The following AGMO variants were observed in gnomAD, a reference collection of about 807,000 sequenced individuals.
The protein encoded by AGMO is glyceryl-ether monooxygenase.
Under a neutral mutation model 60.2 loss-of-function variants are expected in AGMO, and 75 were observed. That is an observed-to-expected ratio of 1.25 (90% CI 1.03 to 1.51). The LOEUF is 1.51. AGMO is among the 40% of genes most tolerant of loss of function. The probability of loss-of-function intolerance (pLI) is 0.00; values close to 1 mark genes in which losing one functional copy is unlikely to be tolerated. For missense variants in AGMO, 763 were observed against 525.5 expected (o/e 1.45, Z -4.42); for synonymous variants, 261 against 177.1 (o/e 1.47, Z -3.76).
At chr7:15,530,753 G>T (rs937534203) in intron 3 of AGMO, among the ~76,000 whole-genome samples, 1 of 130,592 alleles carries the variant, frequency 7.7e-6, no homozygotes, top group East Asian at 2.3e-4. Context: ...TTTCTATATA[G>T]ATATTCTATA....
In AGMO at chr7:15,326,340, G is replaced by A. The variant is rs1781338864; in HGVS notation, c.1263+39174C>T. Among the ~76,000 whole-genome samples the A allele has an allele frequency of 2.6e-5, 4 of 152,268 alleles. No individual in the cohort carries two copies. The South Asian group carries it at 8.3e-4, about 32-fold the overall frequency. ...GTTTAACCTGAAAGGGGTAAGGGAT[G>A]ATAGGTGTTTTTTAGAATATAGCGT... On this transcript the variant is annotated intron_variant, in intron 12 of 12. Coordinates refer to ENST00000342526, the MANE Select transcript of AGMO (RefSeq NM_001004320.2).
intron 12 of AGMO, among the ~76,000 whole-genome samples, chr7:15,236,813 G>C (rs1341847946): frequency 1.3e-5 from 2 of 151,852 alleles, no homozygotes; most frequent in Non-Finnish European, 2.9e-5. Flanking sequence ...TGATTAAAAA[G>C]CTCACCTGAT....
intron 12 of AGMO, among the ~76,000 whole-genome samples, chr7:15,299,836 C>CATACACACACACACACACACACACAT (rs34747122): frequency 9.0e-6 from 1 of 111,196 alleles, no homozygotes; most frequent in Non-Finnish European, 1.8e-5. Context: ...TACATACACA[C>CATACACACACACACACACACACACAT]ACACACACAC....
At chr7:15,301,159 C>T (rs1277460688) in intron 12 of AGMO, among the ~76,000 whole-genome samples, 1 of 152,108 alleles carries the variant, frequency 6.6e-6, no homozygotes, top group East Asian at 1.9e-4. Context: ...CAAATGCTGG[C>T]CGGGCGCGGT....
the AGMO span, among the ~76,000 whole-genome samples, chr7:15,193,787 T>G: frequency 1.3e-5 from 2 of 152,286 alleles, no homozygotes; most frequent in Non-Finnish European, 2.9e-5. Flanking sequence ...CAGGTTTGAT[T>G]TAGAAAATTT....
chr7:15,150,932 G>A, the AGMO span, among the ~76,000 whole-genome samples: 2 of 152,038 alleles, frequency 1.3e-5, no homozygotes, highest in African/African-American at 4.8e-5. Flanking sequence ...GAATTTGGCT[G>A]TGAATTTTCT....
At chr7:15,234,262 G>A (rs999621213) in intron 12 of AGMO, among the ~76,000 whole-genome samples, 1 of 152,132 alleles carries the variant, frequency 6.6e-6, no homozygotes, top group Admixed American at 6.5e-5. Flanking sequence ...TCTCAAAGGG[G>A]ACTTAGCTAT....
intron 3 of AGMO, among the ~76,000 whole-genome samples, chr7:15,446,965 C>T (rs1185603311): frequency 5.3e-5 from 8 of 152,060 alleles, no homozygotes; most frequent in Admixed American, 5.2e-4. Context: ...TCTTTAATGG[C>T]AATAAGTGAT....
At chr7:15,371,075 A>T (rs1443723466) in intron 10 of AGMO, among the ~76,000 whole-genome samples, 1 of 152,196 alleles carries the variant, frequency 6.6e-6, no homozygotes, top group African/African-American at 2.4e-5. Flanking sequence ...CAGAAGAATG[A>T]AACCAGACCC....
chr7:15,488,375 G>A (rs182172457), intron 3 of AGMO, among the ~76,000 whole-genome samples: 3 of 152,176 alleles, frequency 2.0e-5, no homozygotes, highest in Non-Finnish European at 4.4e-5. Context: ...AACTGTTTTT[G>A]CTTTTGTCTT....
chr7:15,220,202 CTG>C (rs1781875118), intron 12 of AGMO, among the ~76,000 whole-genome samples: 1 of 143,254 alleles, frequency 7.0e-6, no homozygotes, highest in Non-Finnish European at 1.5e-5. Flanking sequence ...GTCCACCTGA[CTG>C]TGCCTTTTTT....
intron 3 of AGMO, among the ~76,000 whole-genome samples, chr7:15,523,392 T>C (rs1259115696): frequency 2.0e-5 from 3 of 152,206 alleles, no homozygotes; most frequent in East Asian, 3.8e-4. Flanking sequence ...CATATGTTTA[T>C]TGCAGCACTA....
intron 12 of AGMO, among the ~76,000 whole-genome samples, chr7:15,315,953 T>C (rs527990201): frequency 6.6e-6 from 1 of 152,212 alleles, no homozygotes; most frequent in Admixed American, 6.5e-5. Flanking sequence ...TTTGATTATC[T>C]AGGGAAATAA....
chr7:15,370,872 G>C (rs1207120207), intron 10 of AGMO, among the ~76,000 whole-genome samples: 1 of 152,100 alleles, frequency 6.6e-6, no homozygotes, highest in Non-Finnish European at 1.5e-5. Context: ...TTCTTTTGCT[G>C]TGCAGAAGCT....
chr7:15,466,156 T>C (rs1782279639), intron 3 of AGMO, among the ~76,000 whole-genome samples: 1 of 152,166 alleles, frequency 6.6e-6, no homozygotes, highest in Non-Finnish European at 1.5e-5. Flanking sequence ...ATAACAGTGA[T>C]GGCAGTGATA....
At chr7:15,228,678 C>T (rs1334544310) in intron 12 of AGMO, among the ~76,000 whole-genome samples, 1 of 152,110 alleles carries the variant, frequency 6.6e-6, no homozygotes, top group Non-Finnish European at 1.5e-5. Flanking sequence ...TAAATGATCA[C>T]TTAAAAAATG....
At chr7:15,157,092 G>C in the AGMO span, among the ~76,000 whole-genome samples, 1 of 151,796 alleles carries the variant, frequency 6.6e-6, no homozygotes, top group African/African-American at 2.4e-5. Context: ...CTTGAATTGC[G>C]GTCTACTTTA....
intron 12 of AGMO, among the ~76,000 whole-genome samples, chr7:15,343,394 C>T (rs966074266): frequency 1.3e-4 from 20 of 152,158 alleles, no homozygotes; most frequent in African/African-American, 4.8e-4. Flanking sequence ...TACCAAGATG[C>T]CTCTAAGTGA....
intron 10 of AGMO, 29 bp from the exon 11 acceptor site, chr7:15,366,251 G>A: frequency 6.5e-7 from 1 of 1,537,404 alleles, no homozygotes; most frequent in Non-Finnish European, 8.9e-7. Context: ...GATCAATGGA[G>A]CCGTTAGAAG....
Sources: allele counts gnomAD v4.1 joint callset (sites outside exome capture counted in the v4.1 genomes callset), GRCh38; gene constraint gnomAD v4.1.1; transcripts MANE v1.5; gene names NCBI Gene and HGNC (gene_info 2026-07-23, HGNC 2026-07-21).